Variants in C20orf202 observed in about 807,000 individuals in gnomAD.
C20orf202 encodes the protein chromosome 20 open reading frame 202, also known as uncharacterized protein C20orf202.
A neutral mutation model predicts 5.3 loss-of-function variants in C20orf202; 5 were observed. The observed-to-expected ratio is 0.94, with a 90% CI of 0.49 to 1.98. The LOEUF (loss-of-function observed/expected upper bound fraction) is 1.98. Among genes scored for constraint, C20orf202 ranks in the 30% most tolerant of loss-of-function variants. The probability of loss-of-function intolerance (pLI) is 0.01; values close to 1 mark genes in which losing one functional copy is unlikely to be tolerated. For synonymous variants in C20orf202, 48 were observed against 50.0 expected, an observed-to-expected ratio of 0.96 and a Z score of 0.16; for missense variants, 135 against 123.5, an observed-to-expected ratio of 1.09 and a Z score of -0.44.
chr20:1,203,834 C>T (rs2087120931), intron 1 of C20orf202, among the ~76,000 whole-genome samples, 183 bp downstream of exon 1: 1 of 152,092 alleles, frequency 6.6e-6, no homozygotes. Context: ...ATAAGTAGGT[C>T]GTGGCCTATA....
intron 1 of C20orf202, 80 bp downstream of exon 1, chr20:1,203,731 C>A: frequency 3.4e-6 from 5 of 1,465,382 alleles, no homozygotes; most frequent in Non-Finnish European, 4.5e-6. Context: ...CCGGGTCCCC[C>A]CTGGGGCAGA....
chr20:1,206,215 C>G (rs1009590526), intron 1 of C20orf202, among the ~76,000 whole-genome samples: 1 of 151,776 alleles, frequency 6.6e-6, no homozygotes, highest in African/African-American at 2.4e-5. Flanking sequence ...CCCTTTATGC[C>G]CCAAAAAATT....
intron 1 of C20orf202, among the ~76,000 whole-genome samples, chr20:1,205,806 G>T (rs1264789668): frequency 6.6e-6 from 1 of 152,192 alleles, no homozygotes; most frequent in Non-Finnish European, 1.5e-5. Context: ...CATTTTTAAA[G>T]AGAAAGCGAA....
chr20:1,204,295 A>C (rs117157896), intron 1 of C20orf202, among the ~76,000 whole-genome samples: 35 of 152,276 alleles, frequency 2.3e-4, no homozygotes, highest in Non-Finnish European at 4.9e-4. Context: ...CTACGGCTTC[A>C]GAAGTTGCCT....
chr20:1,207,764 A>G lies in C20orf202; in HGVS notation c.*662A>G, dbSNP rs892945689. On this transcript the variant is annotated 3_prime_UTR_variant, in exon 2 of 2. Coordinates refer to ENST00000400633, the MANE Select transcript of C20orf202 (RefSeq NM_001394958.1). ...ACTCAGGCTGAGGCTGCTGGTGGCC[A>G]TGTTCCTACCAGGTAAAGAAGACCT... The G allele has an allele frequency of 3.3e-5, 5 of 152,252 alleles. No homozygotes were observed. Among genetic ancestry groups the G allele is most frequent in the African/African-American group, 9.6e-5 (4 of 41,464 alleles). 9.4% of individuals were successfully genotyped at this position (152,252 alleles called of 1,614,324 possible). A position where few individuals can be genotyped will look rare whatever the true frequency, so the allele number is the denominator to read the frequency against.
At position 1,208,542 on chromosome 20, in the gene C20orf202, G is replaced by T. The variant is rs1186327521; in HGVS notation, c.*1440G>T. 6.6e-6 allele frequency among the ~76,000 whole-genome samples: 1 copy of T among 152,190 alleles called. No homozygotes were observed. ...GCTGCTCCCTGTTAGAGTTTGTTAG[G>T]CTTTGCCAATATACAGCATGGAGTT... On this transcript the variant is annotated 3_prime_UTR_variant, in exon 2 of 2. Transcript: ENST00000400633.
intron 1 of C20orf202, among the ~76,000 whole-genome samples, chr20:1,204,067 T>C (rs1449601744): frequency 6.6e-6 from 1 of 152,174 alleles, no homozygotes; most frequent in Non-Finnish European, 1.5e-5. Flanking sequence ...CTTGGCACCG[T>C]GGTGCTGGCT....
chr20:1,204,450 C>A (rs1465892350), intron 1 of C20orf202, among the ~76,000 whole-genome samples: 1 of 152,130 alleles, frequency 6.6e-6, no homozygotes, highest in Non-Finnish European at 1.5e-5. Context: ...AGGGCCTCCC[C>A]CATGGAGCAC....
intron 1 of C20orf202, among the ~76,000 whole-genome samples, chr20:1,204,622 C>A (rs2087124273): frequency 6.6e-6 from 1 of 152,238 alleles, no homozygotes; most frequent in Admixed American, 6.5e-5. Context: ...GCTCAGGGAA[C>A]CTCAGAAGAG....
intron 1 of C20orf202, among the ~76,000 whole-genome samples, 198 bp from the exon 2 acceptor site, chr20:1,206,671 C>T (rs1175719686): frequency 6.6e-6 from 1 of 152,240 alleles, no homozygotes; most frequent in Non-Finnish European, 1.5e-5. Flanking sequence ...TCATTCAGTC[C>T]TCATGAAAGC....
intron 1 of C20orf202, 47 bp from the exon 2 acceptor site, chr20:1,206,822 C>T: frequency 3.1e-6 from 4 of 1,300,358 alleles, no homozygotes; most frequent in Non-Finnish European, 4.2e-6. Context: ...GATGGGGAAA[C>T]ATCCAGGGCT....
Position 1,203,618 on chromosome 20 carries a change from T to C in C20orf202, c.33T>C (p.Leu11=). MKIAEEPSPS[L]GQTLEWLRKE... ...TAGCAGAAGAGCCCAGCCCGAGTCT[T>C]GGGCAGACCTTGGAGTGGCTGAGAA... Residue 11 remains leucine, a synonymous_variant, in exon 1 of 2, where the codon CTT becomes CTC. Transcript: ENST00000400633. The C allele has an allele frequency of 1.3e-6, 2 of 1,551,438 alleles. No individual in the cohort carries two copies. The highest frequency in any genetic ancestry group is 1.4e-5 in the African/African-American group (1 of 73,140).
chr20:1,205,086 A>G (rs1371101441), intron 1 of C20orf202, among the ~76,000 whole-genome samples: 2 of 148,298 alleles, frequency 1.3e-5, no homozygotes, highest in Non-Finnish European at 3.0e-5. Flanking sequence ...GGCCGACTAC[A>G]CCTTTGCTTC....
rs1326011965 is a variant in C20orf202, at chr20:1,208,781, C to G, written c.*1679C>G. Among the ~76,000 whole-genome samples the G allele has an allele frequency of 6.6e-6, 1 of 152,124 alleles. No individual in the cohort carries two copies. Among genetic ancestry groups the G allele is most frequent in the African/African-American group, 2.4e-5 (1 of 41,410 alleles). ...TCAGCTTCAGATGCCAGTCCCTCCT[C>G]CCCTGAAGTGTGGGTCCCTGCCTTA... On this transcript the variant is annotated 3_prime_UTR_variant, in exon 2 of 2. Transcript: ENST00000400633.
chr20:1,208,491 C>T lies in C20orf202; in HGVS notation c.*1389C>T, dbSNP rs1377592758. 6.6e-6 allele frequency among the ~76,000 whole-genome samples: 1 copy of T among 152,192 alleles called. No homozygotes were observed. Among genetic ancestry groups the T allele is most frequent in the East Asian group, 1.9e-4 (1 of 5,196 alleles). ...GCTCTGTGATGCTGGAGCTGGGTCC[C>T]TGCAAAGCACCTTTTGGTGTTACCA... On this transcript the variant is annotated 3_prime_UTR_variant, in exon 2 of 2. Coordinates refer to ENST00000400633, the MANE Select transcript of C20orf202 (RefSeq NM_001394958.1).
chr20:1,207,108 C>G lies in C20orf202; in HGVS notation c.*6C>G, dbSNP rs80125338. On this transcript the variant is annotated 3_prime_UTR_variant, in exon 2 of 2. Coordinates refer to ENST00000400633, the MANE Select transcript of C20orf202 (RefSeq NM_001394958.1). Reference sequence around the variant, plus strand: ...GACGAAGCTCTCTCCCTTAACTGGACGGAGATGACACTGGGCTTTAACACT... The same window carrying G: ...GACGAAGCTCTCTCCCTTAACTGGAGGGAGATGACACTGGGCTTTAACACT... 0.096 allele frequency: 140,282 copies of G among 1,464,350 alleles called. 7,503 individuals are homozygous for G. Among genetic ancestry groups the G allele is most frequent in the Admixed American group, 0.13 (5,537 of 42,466 alleles). 90.7% of individuals were successfully genotyped at this position (1,464,350 alleles called of 1,614,324 possible).
chr20:1,207,499 G>A lies in C20orf202; in HGVS notation c.*397G>A, dbSNP rs920728835. On this transcript the variant is annotated 3_prime_UTR_variant, in exon 2 of 2. Transcript: ENST00000400633. Reference sequence around the variant, plus strand: ...CTATGGTGAAAATTCCAACCCCTGTGTAGTGACTTAGTGGCTGTTTTCTGT... The same window carrying A: ...CTATGGTGAAAATTCCAACCCCTGTATAGTGACTTAGTGGCTGTTTTCTGT... 6.3e-6 allele frequency: 1 copy of A among 158,848 alleles called. No homozygotes were observed. The highest frequency in any genetic ancestry group is 6.4e-5 in the Admixed American group (1 of 15,552). 9.8% of individuals were successfully genotyped at this position (158,848 alleles called of 1,614,324 possible).
intron 1 of C20orf202, among the ~76,000 whole-genome samples, chr20:1,206,265 T>C (rs758297736): frequency 4.6e-5 from 7 of 152,198 alleles, no homozygotes; most frequent in Non-Finnish European, 1.0e-4. Flanking sequence ...GTGAGTTATA[T>C]ATAACAATAC....
intron 1 of C20orf202, among the ~76,000 whole-genome samples, chr20:1,203,880 T>G (rs2087121106): frequency 6.6e-6 from 1 of 152,042 alleles, no homozygotes; most frequent in South Asian, 2.1e-4. Context: ...CCAGACTGGT[T>G]TTAGAATGAC....
Sources: gnomAD v4.1 joint callset for allele counts (sites outside exome capture counted in the v4.1 genomes callset) on GRCh38, gnomAD v4.1.1 for gene constraint, MANE v1.5 for transcripts, NCBI Gene and HGNC (gene_info 2026-07-23, HGNC 2026-07-21) for gene names.